Variants in RNF121 observed in about 807,000 individuals in gnomAD.
RNF121 encodes the protein E3 ubiquitin ligase RNF121.
Under a neutral mutation model 46.5 loss-of-function variants are expected in RNF121, and 21 were observed. The ratio of observed to expected loss-of-function variants is 0.45; its 90% CI spans 0.32 to 0.65. The LOEUF (loss-of-function observed/expected upper bound fraction) is 0.65, where lower values mean the gene tolerates loss of function less well. Among genes scored for constraint, RNF121 ranks in the 30% least tolerant of loss-of-function variants. The probability of loss-of-function intolerance (pLI) is 0.04; values close to 1 mark genes in which losing one functional copy is unlikely to be tolerated. For missense variants in RNF121, 346 were observed against 416.0 expected (o/e 0.83, Z 1.46); for synonymous variants, 139 against 144.7 (o/e 0.96, Z 0.28).
At chr11:71,935,964 C>T (rs1352513039) in intron 1 of RNF121, among the ~76,000 whole-genome samples, 1 of 149,624 alleles carries the variant, frequency 6.7e-6, no homozygotes, top group Non-Finnish European at 1.5e-5. Context: ...TCTCCTGCCT[C>T]AGCCTCCTGA....
intron 3 of RNF121, 127 bp from the exon 4 acceptor site, chr11:71,982,634 A>T: frequency 9.6e-7 from 1 of 1,045,358 alleles, no homozygotes; most frequent in Non-Finnish European, 1.4e-6. Flanking sequence ...TAGTGGAGTT[A>T]ACTTTATCCA....
Position 71,982,878 on chromosome 11 carries a change from C to T in RNF121, c.361C>T (p.Arg121Ter), listed in dbSNP as rs1954692166. 2 of 1,613,252 alleles carry T rather than the reference C, an allele frequency of 1.2e-6. No individual in the cohort carries two copies. The highest frequency in any genetic ancestry group is 1.3e-5 in the African/African-American group (1 of 74,860). The change falls in exon 4 of 9, where the codon CGA (arginine) becomes TGA (stop). Residue 121 changes from arginine to a stop codon, truncating the protein, a stop_gained. Transcript: ENST00000361756. LOFTEE classifies it high-confidence loss of function. ...TGCTGTCACAGCCTTTGTTACCTTC[C>T]GAGCCACCCGAAAACCTCTAGTACA... ...FSAVTAFVTF[R>*]ATRKPLVQTT...
At chr11:71,942,397 G>A (rs913441193) in intron 1 of RNF121, among the ~76,000 whole-genome samples, 1 of 152,034 alleles carries the variant, frequency 6.6e-6, no homozygotes, top group East Asian at 1.9e-4. Flanking sequence ...ATAGTGTTTT[G>A]GATTCGGTGG....
At chr11:71,991,805 A>G (rs929341047) in intron 6 of RNF121, among the ~76,000 whole-genome samples, 5 of 152,096 alleles carry the variant, frequency 3.3e-5, no homozygotes, top group Non-Finnish European at 5.9e-5. Context: ...GGCCAAATTA[A>G]AGATTTTGAT....
intron 6 of RNF121, among the ~76,000 whole-genome samples, chr11:71,994,413 C>T (rs1274539477): frequency 1.3e-5 from 2 of 152,172 alleles, no homozygotes; most frequent in African/African-American, 4.8e-5. Context: ...CCAAGTCCTT[C>T]TCCCTCCCCT....
chr11:71,957,921 G>GA (rs971801654), intron 2 of RNF121, among the ~76,000 whole-genome samples: 7 of 152,254 alleles, frequency 4.6e-5, no homozygotes, highest in East Asian at 3.9e-4. Flanking sequence ...TTAATAGTGA[G>GA]AAAAAACCTA....
At chr11:71,952,293 A>G (rs1953899156) in intron 1 of RNF121, among the ~76,000 whole-genome samples, 1 of 152,228 alleles carries the variant, frequency 6.6e-6, no homozygotes, top group South Asian at 2.1e-4. Context: ...GACAGAATGT[A>G]AATTAGTGGT....
chr11:71,931,996 T>G (rs2050025615), intron 1 of RNF121, among the ~76,000 whole-genome samples: 1 of 152,252 alleles, frequency 6.6e-6, no homozygotes, highest in African/African-American at 2.4e-5. Flanking sequence ...ATACCTATGT[T>G]TTCCAATATT....
At chr11:71,962,389 T>C (rs1954158491) in intron 3 of RNF121, 1 of 656,166 alleles carries the variant, frequency 1.5e-6, no homozygotes, top group African/African-American at 2.0e-5. Context: ...AAACTCAATC[T>C]GGGAAACAGT....
chr11:71,946,260 G>A (rs1337104535), intron 1 of RNF121, among the ~76,000 whole-genome samples: 1 of 152,216 alleles, frequency 6.6e-6, no homozygotes, highest in African/African-American at 2.4e-5. Flanking sequence ...GTCTGCCTAT[G>A]CAATGGAATA....
intron 1 of RNF121, among the ~76,000 whole-genome samples, chr11:71,950,903 T>G (rs1217912208): frequency 6.6e-6 from 1 of 152,120 alleles, no homozygotes; most frequent in Non-Finnish European, 1.5e-5. Context: ...AGATTTTATT[T>G]GAATTATTAT....
intron 4 of RNF121, among the ~76,000 whole-genome samples, chr11:71,983,470 A>G (rs576755477): frequency 7.9e-5 from 12 of 152,332 alleles, no homozygotes; most frequent in Middle Eastern, 3.4e-3. Context: ...CAAATTTATA[A>G]TTTTCCAATA....
intron 3 of RNF121, among the ~76,000 whole-genome samples, chr11:71,981,595 C>T (rs77916164): frequency 0.026 from 3,909 of 152,180 alleles, 54 homozygotes; most frequent in East Asian, 0.074. Context: ...GGAGAGAAGA[C>T]TAGCGATGAC....
intron 3 of RNF121, 49 bp downstream of exon 3, chr11:71,960,940 C>T (rs1261821259): frequency 6.3e-7 from 1 of 1,596,112 alleles, no homozygotes; most frequent in East Asian, 2.2e-5. Context: ...ATCAAGAGAC[C>T]CTTCCTAAGT....
intron 3 of RNF121, among the ~76,000 whole-genome samples, chr11:71,975,935 G>A (rs1343264242): frequency 6.6e-6 from 1 of 152,176 alleles, no homozygotes; most frequent in Non-Finnish European, 1.5e-5. Flanking sequence ...GACTTATGTG[G>A]TAAGGATTAC....
chr11:71,951,762 A>G (rs1953888091), intron 1 of RNF121, among the ~76,000 whole-genome samples: 2 of 152,212 alleles, frequency 1.3e-5, no homozygotes, highest in Admixed American at 6.5e-5. Context: ...GGGAAATGGA[A>G]AATCAAAACC....
chr11:71,967,349 G>GTTTT (rs770121817), intron 3 of RNF121, among the ~76,000 whole-genome samples: 54 of 100,542 alleles, frequency 5.4e-4, no homozygotes, highest in Non-Finnish European at 7.3e-4. Flanking sequence ...GGTTTTTTTT[G>GTTTT]TTTTTTTTTT....
At chr11:71,952,554 AT>A (rs1953906454) in intron 1 of RNF121, among the ~76,000 whole-genome samples, 1 of 152,226 alleles carries the variant, frequency 6.6e-6, no homozygotes, top group Non-Finnish European at 1.5e-5. Flanking sequence ...CATGCCTGTA[AT>A]CCTAGCACTT....
chr11:71,962,308 A>G (rs1330596810), intron 3 of RNF121: 5 of 983,602 alleles, frequency 5.1e-6, no homozygotes, highest in Non-Finnish European at 6.0e-6. Flanking sequence ...GCATATATGC[A>G]CTGCAGTAAT....
Sources: allele counts gnomAD v4.1 joint callset (sites outside exome capture counted in the v4.1 genomes callset), GRCh38; gene constraint gnomAD v4.1.1; transcripts MANE v1.5; gene names NCBI Gene and HGNC (gene_info 2026-07-23, HGNC 2026-07-21).